The following LRP1 variants were observed in gnomAD, a reference collection of about 807,000 sequenced individuals.
The protein encoded by LRP1 is LDL receptor related protein 1.
In LRP1, 51 loss-of-function variants were observed where a neutral mutation model predicts 541.5. The observed-to-expected ratio is 0.09, with a 90% confidence interval of 0.08 to 0.12. The LOEUF is 0.12. Among genes scored for constraint, LRP1 ranks in the 10% least tolerant of loss-of-function variants. LRP1 has a pLI of 1.00. For missense variants in LRP1, 3,878 were observed against 6,376.2 expected (o/e 0.61, Z 13.34); for synonymous variants, 2,219 against 2,470.8 (o/e 0.90, Z 3.02).
At chr12:57,167,069 G>A in intron 18 of LRP1, 23 bp downstream of exon 18, 1 of 1,598,550 alleles carries the variant, frequency 6.3e-7, no homozygotes, top group Non-Finnish European at 8.6e-7. Flanking sequence ...GGCAGAGGGA[G>A]TCAGGCTGGG....
Position 57,187,342 on chromosome 12 carries a change from C to T in LRP1, c.6917C>T (p.Thr2306Ile). Reference protein sequence around the residue: ...TLYWTSYTTSTITRHTVDQTR... With the variant: ...TLYWTSYTTSIITRHTVDQTR... ...TATTGGACAAGCTACACGACATCCA[C>T]CATCACGCGCCACACAGTGGACCAG... The change falls in exon 42 of 89, where the codon ACC (threonine) becomes ATC (isoleucine). Residue 2306 changes from threonine to isoleucine, a missense_variant. Thr to Ile is a moderately conservative substitution (Grantham distance 89, BLOSUM62 -1). Around this residue, in one of 13 missense-constraint regions of LRP1, gnomAD observed 1,100 missense variants for 1,827.4 expected, o/e 0.60. Transcript: ENST00000243077. The T allele has an allele frequency of 6.2e-7, 1 of 1,614,220 alleles. No individual in the cohort carries two copies. Among genetic ancestry groups the T allele is most frequent in the Non-Finnish European group, 8.5e-7 (1 of 1,180,046 alleles).
At position 57,185,976 on chromosome 12, in the gene LRP1, C is replaced by T. The variant is rs1420310265; in HGVS notation, c.6841+68C>T. ...GCGGGGAGCAGCACAGACTCTTAGACCCCAGCCAGGCACTCTACCCTAGGT... is the reference window on the plus strand; with the variant it reads ...GCGGGGAGCAGCACAGACTCTTAGATCCCAGCCAGGCACTCTACCCTAGGT... On this transcript the variant is annotated intron_variant, in intron 41 of 88. Transcript: ENST00000243077. This position sits in a 1 kb window ranked among gnomAD's most constrained non-coding sequence, Gnocchi z 4.9. The T allele has an allele frequency of 9.2e-6, 14 of 1,515,896 alleles. No individual in the cohort carries two copies. The highest frequency in any genetic ancestry group is 1.2e-5 in the Non-Finnish European group (14 of 1,127,616). The allele number at this position is 1,515,896 out of a possible 1,614,324, so 93.9% of individuals were successfully genotyped here.
intron 42 of LRP1, among the ~76,000 whole-genome samples, chr12:57,187,870 T>A (rs1223338988): frequency 6.6e-6 from 1 of 152,178 alleles, no homozygotes; most frequent in African/African-American, 2.4e-5. Flanking sequence ...GAAGTCATAC[T>A]TGTGGGAAGT....
chr12:57,138,825 C>G (rs1342962354), intron 2 of LRP1, among the ~76,000 whole-genome samples: 1 of 152,246 alleles, frequency 6.6e-6, no homozygotes, highest in African/African-American at 2.4e-5. Context: ...AGACAGTGTT[C>G]TCTGGGCTGA....
At position 57,180,089 on chromosome 12, in the gene LRP1, C is replaced by A; in HGVS notation, c.5184C>A (p.Asn1728Lys). Residue 1728 changes from asparagine to lysine, a missense_variant, in exon 31 of 89, where the codon AAC (asparagine) becomes AAA (lysine). Transcript: ENST00000243077. ...WTDGDNISMA[N>K]MDGSNRTLLF... is the part of the protein sequence containing the mutation. ...ATGGTGACAACATCAGCATGGCCAACATGGATGGCAGCAATCGCACCCTGC... is the reference window on the plus strand; with the variant it reads ...ATGGTGACAACATCAGCATGGCCAAAATGGATGGCAGCAATCGCACCCTGC... 6.2e-7 allele frequency: 1 copy of A among 1,613,996 alleles called. No individual in the cohort carries two copies. Among genetic ancestry groups the A allele is most frequent in the Non-Finnish European group, 8.5e-7 (1 of 1,180,030 alleles).
Position 57,180,105 on chromosome 12 carries a change from C to T in LRP1, c.5200C>T (p.Arg1734Cys), listed in dbSNP as rs760365211. 30 of 1,613,744 alleles carry T rather than the reference C, an allele frequency of 1.9e-5. No homozygotes were observed. The highest frequency in any genetic ancestry group is 2.7e-5 in the African/African-American group (2 of 74,888). The change falls in exon 31 of 89, where the codon CGC (arginine) becomes TGC (cysteine). Residue 1734 changes from arginine (R) to cysteine (C), a missense_variant. Physicochemically the swap from Arg to Cys is radical, Grantham distance 180 (BLOSUM62 -3). Around this residue, in one of 13 missense-constraint regions of LRP1, gnomAD observed 394 missense variants for 635.9 expected, o/e 0.62. Transcript: ENST00000243077. Reference protein sequence around the residue: ...ISMANMDGSNRTLLFSGQKGP... With the variant: ...ISMANMDGSNCTLLFSGQKGP... ...CATGGCCAACATGGATGGCAGCAAT[C>T]GCACCCTGCTCTTCAGTGGCCAGAA...
chr12:57,181,363 C>T, intron 34 of LRP1, 72 bp downstream of exon 34: 4 of 1,520,344 alleles, frequency 2.6e-6, no homozygotes, highest in Non-Finnish European at 3.5e-6. Context: ...TACAGCCCCA[C>T]CTTCCTCTTC....
At position 57,169,128 on chromosome 12, in the gene LRP1, C is replaced by T. The variant is rs2035895447; in HGVS notation, c.2996-12C>T. 1.9e-6 allele frequency: 3 copies of T among 1,593,466 alleles called. No individual in the cohort carries two copies. The highest frequency in any genetic ancestry group is 3.3e-4 in the Middle Eastern group (2 of 6,006). On this transcript the variant is annotated splice_polypyrimidine_tract_variant and intron_variant, in intron 19 of 88. Transcript: ENST00000243077. ...TCCCGCTTTGCCTCTCCCCTTCTTC[C>T]CCCACCGCCAGACAATGACTGTGGG...
chr12:57,194,920 A>G, intron 50 of LRP1, 65 bp from the exon 51 acceptor site: 1 of 1,372,560 alleles, frequency 7.3e-7, no homozygotes, highest in Non-Finnish European at 1.0e-6. Context: ...TTCCCATGGC[A>G]TCAGCCTCCC....
intron 1 of LRP1, among the ~76,000 whole-genome samples, chr12:57,132,856 A>G (rs1481329217): frequency 2.0e-5 from 3 of 150,086 alleles, no homozygotes; most frequent in African/African-American, 7.4e-5. Context: ...TTTCCCACTC[A>G]CCCCCTGGCT....
rs902530439 is a variant in LRP1, at chr12:57,181,360, C to T, written c.5662+69C>T. The T allele has an allele frequency of 4.5e-5, 69 of 1,527,050 alleles. No homozygotes were observed. In the South Asian group the frequency reaches 7.9e-4, roughly 18 times the overall value. 94.6% of individuals were successfully genotyped at this position (1,527,050 alleles called of 1,614,324 possible). On this transcript the variant is annotated intron_variant, in intron 34 of 88. Coordinates refer to ENST00000243077, the MANE Select transcript of LRP1 (RefSeq NM_002332.3). ...CCCTGACCCCTCCTACCCTACAGCC[C>T]CACCTTCCTCTTCTTACCTTGGGGA...
intron 1 of LRP1, among the ~76,000 whole-genome samples, chr12:57,130,812 C>G (rs1278297939): frequency 6.6e-6 from 1 of 152,060 alleles, no homozygotes; most frequent in African/African-American, 2.4e-5. Context: ...TGGACATGTT[C>G]TCCTTAACTA....
rs200379692 is a variant in LRP1 at position 57,145,224 on chromosome 12, C to T, written c.578-3C>T. ...CACGGACTCTTCTCTTCCCCATTCC[C>T]AGAGCCAGTAGACCGGCCCCCTGTG... On this transcript the variant is annotated splice_region_variant and splice_polypyrimidine_tract_variant and intron_variant, in intron 5 of 88. Transcript: ENST00000243077. The T allele has an allele frequency of 3.7e-6, 6 of 1,614,118 alleles. No individual in the cohort carries two copies. Among genetic ancestry groups the T allele is most frequent in the Admixed American group, 3.3e-5 (2 of 60,026 alleles).
chr12:57,201,266 C>T lies in LRP1; in HGVS notation c.10345+113C>T. 1 of 1,498,488 alleles carries T rather than the reference C, an allele frequency of 6.7e-7. No individual in the cohort carries two copies. The highest frequency in any genetic ancestry group is 1.4e-5 in the African/African-American group (1 of 72,808). The allele number at this position is 1,498,488 out of a possible 1,614,324, so 92.8% of individuals were successfully genotyped here. A position where few individuals can be genotyped will look rare whatever the true frequency, so the allele number is the denominator to read the frequency against. On this transcript the variant is annotated intron_variant, in intron 65 of 88. Coordinates refer to ENST00000243077, the MANE Select transcript of LRP1 (RefSeq NM_002332.3). This position sits in a 1 kb window ranked among gnomAD's most constrained non-coding sequence, Gnocchi z 6.4. ...TCAAATAACTTTAGTAGATGGGCAA[C>T]ACAAATTATATTGGGTGTAACTTGC...
At position 57,173,448 on chromosome 12, in the gene LRP1, T is replaced by C. The variant is rs2035983407; in HGVS notation, c.3346+98T>C. 9.1e-6 allele frequency: 12 copies of C among 1,318,282 alleles called. No homozygotes were observed. The highest frequency in any genetic ancestry group is 1.4e-5 in the South Asian group (1 of 72,308). 81.7% of individuals were successfully genotyped at this position (1,318,282 alleles called of 1,614,324 possible). ...AGCGGCAAAGGGGATGGCACTGTGC[T>C]GTGTGGAGTGGTGCTGGGGACAGTG... On this transcript the variant is annotated intron_variant, in intron 21 of 88. Coordinates refer to ENST00000243077, the MANE Select transcript of LRP1 (RefSeq NM_002332.3). This position sits in a 1 kb window ranked among gnomAD's most constrained non-coding sequence, Gnocchi z 4.7.
intron 6 of LRP1, among the ~76,000 whole-genome samples, chr12:57,152,365 C>G (rs970422553): frequency 2.6e-5 from 4 of 152,104 alleles, no homozygotes; most frequent in Non-Finnish European, 1.5e-5. Flanking sequence ...CATACACATG[C>G]CAGCAGCCCC....
Position 57,178,560 on chromosome 12 carries a change from G to A in LRP1, c.4563G>A (p.Gln1521=). The part of the protein sequence containing the change: ...NVTVVQRTNT[Q]PFDLQVYHPS... ...CCGTGGTACAGAGGACCAACACCCAGCCCTTTGACCTGCAGGTGTACCACC... is the reference window on the plus strand; with the variant it reads ...CCGTGGTACAGAGGACCAACACCCAACCCTTTGACCTGCAGGTGTACCACC... The change falls in exon 27 of 89, where the codon CAG becomes CAA. Residue 1521 remains glutamine, a synonymous_variant. Transcript: ENST00000243077. The surrounding 1 kb of genome is among the most constrained non-coding windows in gnomAD (Gnocchi z 5.8). 1.2e-6 allele frequency: 2 copies of A among 1,614,232 alleles called. No homozygotes were observed. Among genetic ancestry groups the A allele is most frequent in the Non-Finnish European group, 1.7e-6 (2 of 1,180,036 alleles).
intron 3 of LRP1, among the ~76,000 whole-genome samples, chr12:57,141,899 G>A (rs543594232): frequency 2.4e-4 from 36 of 152,298 alleles, no homozygotes; most frequent in African/African-American, 7.2e-4. Flanking sequence ...AGGAGCAGAG[G>A]TGCTGTGACT....
chr12:57,194,733 G>A (rs2036491717), intron 50 of LRP1, 34 bp downstream of exon 50: 5 of 1,522,630 alleles, frequency 3.3e-6, no homozygotes, highest in Non-Finnish European at 3.5e-6. Context: ...AGTGCTCCAA[G>A]AGCCTGCTGG....
Sources: allele counts gnomAD v4.1 joint callset (sites outside exome capture counted in the v4.1 genomes callset), GRCh38; gene constraint gnomAD v4.1.1; regional missense constraint gnomAD v4.1.1; non-coding constraint Gnocchi (gnomAD v3.1); transcripts MANE v1.5; gene names NCBI Gene and HGNC (gene_info 2026-07-23, HGNC 2026-07-21).